The following GMDS variants were observed in gnomAD, a reference collection of about 807,000 sequenced individuals.
The protein encoded by GMDS is GDP-mannose 4,6-dehydratase.
Under a neutral mutation model 49.9 loss-of-function variants are expected in GMDS, and 20 were observed. The ratio of observed to expected loss-of-function variants is 0.40; its 90% confidence interval spans 0.28 to 0.58. GMDS has a LOEUF of 0.58. Ranked by LOEUF, GMDS falls within the 20% of genes least tolerant of loss-of-function variation. GMDS has a pLI of 0.42. For missense variants in GMDS, 362 were observed against 481.4 expected (o/e 0.75, Z 2.32); for synonymous variants, 177 against 178.6 (o/e 0.99, Z 0.07).
At chr6:1,804,713 T>G (rs1227282512) in intron 7 of GMDS, among the ~76,000 whole-genome samples, 1 of 152,230 alleles carries the variant, frequency 6.6e-6, no homozygotes, top group Admixed American at 6.5e-5. Context: ...CTTCGAATCC[T>G]TATCAATAGG....
Position 2,122,661 on chromosome 6 carries a change from G to A in GMDS, c.147+2026C>T, listed in dbSNP as rs116731528. The stretch of plus-strand genomic sequence containing the variant: ...CTAATGGTTTATTCTCGAATTATAC[G>A]AATCTCTTAAAATTGAGGACAGCAG... On this transcript the variant is annotated intron_variant, in intron 2 of 10. Transcript: ENST00000380815. Among the ~76,000 whole-genome samples the A allele has an allele frequency of 3.6e-3, 542 of 152,276 alleles. 4 individuals are homozygous for A. Among genetic ancestry groups the A allele is most frequent in the African/African-American group, 0.012 (518 of 41,554 alleles).
chr6:1,969,118 T>C (rs1285349320), intron 4 of GMDS, among the ~76,000 whole-genome samples: 11 of 151,186 alleles, frequency 7.3e-5, no homozygotes, highest in Non-Finnish European at 1.5e-4. Flanking sequence ...AAAAATTAGC[T>C]GGGCATGGTG....
chr6:1,846,100 T>C lies in GMDS; in HGVS notation c.771+84003A>G, dbSNP rs62850163. On this transcript the variant is annotated intron_variant, in intron 7 of 10. Coordinates refer to ENST00000380815, the MANE Select transcript of GMDS (RefSeq NM_001500.4). ...TGTTTCTTTTTTTTTTTTTTTTTTT[T>C]CCTCCTTGAGACAAGGTCTCTTTGC... 1.4e-3 allele frequency among the ~76,000 whole-genome samples: 195 copies of C among 142,982 alleles called. 2 individuals carry two copies. The highest frequency in any genetic ancestry group is 7.4e-3 in the Middle Eastern group (2 of 272). 93.8% of individuals were successfully genotyped at this position (142,982 alleles called of 152,430 possible). A position where few individuals can be genotyped will look rare whatever the true frequency, so the allele number is the denominator to read the frequency against.
At chr6:2,017,044 C>A (rs7749136) in intron 4 of GMDS, among the ~76,000 whole-genome samples, 42,218 of 151,270 alleles carry the variant, frequency 0.28, 5,978 homozygotes, top group African/African-American at 0.32. Flanking sequence ...AAGAAATAAA[C>A]ATAAAAGCTG....
intron 1 of GMDS, among the ~76,000 whole-genome samples, chr6:2,216,454 T>G (rs140328982): frequency 4.6e-5 from 7 of 152,342 alleles, no homozygotes; most frequent in Admixed American, 6.5e-5. Flanking sequence ...TCCAGAGTGC[T>G]ATGAACCTCT....
At chr6:2,142,506 A>C (rs1776352145) in intron 1 of GMDS, among the ~76,000 whole-genome samples, 1 of 152,218 alleles carries the variant, frequency 6.6e-6, no homozygotes, top group Non-Finnish European at 1.5e-5. Context: ...TGTTTCTACA[A>C]GCCAAGGAAC....
At chr6:2,102,640 G>C (rs1270840087) in intron 4 of GMDS, among the ~76,000 whole-genome samples, 1 of 152,118 alleles carries the variant, frequency 6.6e-6, no homozygotes, top group African/African-American at 2.4e-5. Flanking sequence ...AAGTGTAAAA[G>C]AAAAAGTACG....
At chr6:1,945,535 G>C (rs1031100079) in intron 6 of GMDS, among the ~76,000 whole-genome samples, 6 of 152,084 alleles carry the variant, frequency 3.9e-5, no homozygotes, top group African/African-American at 1.4e-4. Flanking sequence ...GGTTATAGTC[G>C]GGTTGGCTTG....
intron 9 of GMDS, among the ~76,000 whole-genome samples, chr6:1,653,480 T>C (rs1032341739): frequency 6.6e-6 from 1 of 152,218 alleles, no homozygotes; most frequent in Non-Finnish European, 1.5e-5. Flanking sequence ...GGACTCTGAA[T>C]AGCCAGAAGA....
chr6:2,104,540 A>G (rs1439370952), intron 4 of GMDS, among the ~76,000 whole-genome samples: 1 of 152,196 alleles, frequency 6.6e-6, no homozygotes, highest in Non-Finnish European at 1.5e-5. Flanking sequence ...AGTTTCAAAA[A>G]CAATCATGTC....
chr6:1,791,416 C>T (rs1769537147), intron 7 of GMDS, among the ~76,000 whole-genome samples: 1 of 152,168 alleles, frequency 6.6e-6, no homozygotes. Context: ...GTGTTCTCAA[C>T]CGTGGTGGGC....
In GMDS at chr6:2,076,168, G is replaced by A. The variant is rs183133973; in HGVS notation, c.345+39603C>T. Among the ~76,000 whole-genome samples the A allele has an allele frequency of 7.8e-3, 1,191 of 152,196 alleles. 7 individuals carry two copies. The highest frequency in any genetic ancestry group is 0.017 in the Middle Eastern group (5 of 294). On this transcript the variant is annotated intron_variant, in intron 4 of 10. Transcript: ENST00000380815. The stretch of plus-strand genomic sequence containing the variant: ...TGGATATTAGCCCTTTGTCAGATGC[G>A]TAGATTGCAAAAATTTTCTCCCATT...
In GMDS at chr6:2,113,316, C is replaced by G. The variant is rs548318351; in HGVS notation, c.345+2455G>C. Among the ~76,000 whole-genome samples the G allele has an allele frequency of 1.1e-3, 163 of 152,180 alleles. 3 individuals carry two copies. Among genetic ancestry groups the G allele is most frequent in the African/African-American group, 3.8e-3 (156 of 41,512 alleles). ...CCACCCCCATTTCTAGTGACACCAT[C>G]CTCATCCAGCAACTTCCTAGCTCTT... On this transcript the variant is annotated intron_variant, in intron 4 of 10. Coordinates refer to ENST00000380815, the MANE Select transcript of GMDS (RefSeq NM_001500.4).
intron 7 of GMDS, among the ~76,000 whole-genome samples, chr6:1,901,973 T>C (rs977829901): frequency 3.9e-5 from 6 of 152,198 alleles, no homozygotes; most frequent in Non-Finnish European, 8.8e-5. Context: ...TGGTAAAGGA[T>C]ACAGCTTTAT....
intron 4 of GMDS, among the ~76,000 whole-genome samples, chr6:2,022,446 T>C (rs986360844): frequency 2.6e-5 from 4 of 152,186 alleles, no homozygotes; most frequent in South Asian, 2.1e-4. Context: ...AAGAGGACCA[T>C]AGTGATGCTA....
intron 8 of GMDS, among the ~76,000 whole-genome samples, chr6:1,732,050 G>A (rs1766829496): frequency 6.6e-6 from 1 of 152,216 alleles, no homozygotes; most frequent in South Asian, 2.1e-4. Context: ...AAAATAGGCC[G>A]GGCATGGTGG....
intron 1 of GMDS, among the ~76,000 whole-genome samples, chr6:2,211,880 TG>T (rs1780077540): frequency 2.0e-5 from 3 of 152,346 alleles, no homozygotes; most frequent in Admixed American, 2.0e-4. Context: ...TAGGTACTCT[TG>T]TAAGACATTA....
At chr6:1,943,583 A>G (rs1581398570) in intron 6 of GMDS, among the ~76,000 whole-genome samples, 1 of 152,184 alleles carries the variant, frequency 6.6e-6, no homozygotes, top group Non-Finnish European at 1.5e-5. Flanking sequence ...GACATAATGA[A>G]CCTGATTCTC....
intron 9 of GMDS, among the ~76,000 whole-genome samples, chr6:1,687,843 AAGAGG>A (rs1765033766): frequency 6.6e-6 from 1 of 152,088 alleles, no homozygotes; most frequent in Non-Finnish European, 1.5e-5. Context: ...GCATGGGGGT[AAGAGG>A]GCAGGAGCTA....
Sources: allele counts gnomAD v4.1 joint callset (sites outside exome capture counted in the v4.1 genomes callset), GRCh38; gene constraint gnomAD v4.1.1; transcripts MANE v1.5; gene names NCBI Gene and HGNC (gene_info 2026-07-23, HGNC 2026-07-21).